Variants in HINT3 observed in about 807,000 individuals in gnomAD.
The protein encoded by HINT3 is histidine triad nucleotide binding protein 3, also known as adenosine 5'-monophosphoramidase HINT3.
Under a neutral mutation model 19.1 loss-of-function variants are expected in HINT3, and 16 were observed. The observed-to-expected ratio is 0.84, with a 90% confidence interval of 0.57 to 1.27. The LOEUF (loss-of-function observed/expected upper bound fraction) is 1.27. Ranked by LOEUF, HINT3 falls within the 50% of genes most tolerant of loss-of-function variation. The probability of loss-of-function intolerance (pLI) is 0.00; values close to 1 mark genes in which losing one functional copy is unlikely to be tolerated. For missense variants in HINT3, 197 were observed against 225.8 expected (o/e 0.87, Z 0.82); for synonymous variants, 75 against 84.8 (o/e 0.88, Z 0.63).
intron 3 of HINT3, among the ~76,000 whole-genome samples, chr6:125,973,819 G>C (rs1206884755): frequency 6.6e-6 from 1 of 152,172 alleles, no homozygotes; most frequent in Non-Finnish European, 1.5e-5. Flanking sequence ...CCAGCTCCAC[G>C]ACTGTCTAAC....
chr6:125,974,845 A>T lies in HINT3; in HGVS notation c.390-2A>T. 6.2e-7 allele frequency: 1 copy of T among 1,605,534 alleles called. No homozygotes were observed. Among genetic ancestry groups the T allele is most frequent in the Non-Finnish European group, 8.5e-7 (1 of 1,173,286 alleles). On this transcript the variant is annotated splice_acceptor_variant, in intron 3 of 4. Transcript: ENST00000229633. LOFTEE classifies it high-confidence loss of function. Reference sequence around the variant, plus strand: ...CAATCATCTCTTTACTTTCTATTTTAGGATGGGTTTTCATATGCCACCATT... The same window carrying T: ...CAATCATCTCTTTACTTTCTATTTTTGGATGGGTTTTCATATGCCACCATT...
At position 125,956,773 on chromosome 6, in the gene HINT3, T is replaced by C. The variant is rs1788837927; in HGVS notation, c.-205T>C. 2 of 613,622 alleles carry C rather than the reference T, an allele frequency of 3.3e-6. No homozygotes were observed. The highest frequency in any genetic ancestry group is 5.7e-6 in the Non-Finnish European group (2 of 351,694). The allele number at this position is 613,622 out of a possible 1,614,324, so 38.0% of individuals were successfully genotyped here. A position where few individuals can be genotyped will look rare whatever the true frequency, so the allele number is the denominator to read the frequency against. On this transcript the variant is annotated 5_prime_UTR_variant, in exon 1 of 5. Coordinates refer to ENST00000229633, the MANE Select transcript of HINT3 (RefSeq NM_138571.5). ...CTCGGCAGCGCCATTGCGCGCCCTC[T>C]AGTGGCAGCCGGTTTTGAGGCCGGC... is the stretch of plus-strand genomic sequence containing the variant.
rs1788844856 is a variant in HINT3, at chr6:125,957,048, C to T, written c.71C>T (p.Thr24Ile). 3 of 1,550,824 alleles carry T rather than the reference C, an allele frequency of 1.9e-6. No individual in the cohort carries two copies. The highest frequency in any genetic ancestry group is 2.6e-6 in the Non-Finnish European group (3 of 1,146,862). The stretch of plus-strand genomic sequence containing the variant: ...TGTGAGGCCTCGGCGACTGCAGAAA[C>T]TACGGTTTCCTCAGTGGGGACCTGT... The part of the protein sequence containing the change: ...PDCEASATAE[T>I]TVSSVGTCEA... Residue 24 changes from threonine to isoleucine, a missense_variant, in exon 1 of 5, where the codon ACT becomes ATT. Transcript: ENST00000229633.
At chr6:125,972,135 C>T (rs1287330483) in intron 2 of HINT3, 124 bp from the exon 3 acceptor site, 4 of 637,422 alleles carry the variant, frequency 6.3e-6, no homozygotes, top group Non-Finnish European at 1.1e-5. Context: ...GGGTGAGCCA[C>T]TGTGCCTGGC....
At chr6:125,974,186 C>A (rs1412792759) in intron 3 of HINT3, among the ~76,000 whole-genome samples, 1 of 152,042 alleles carries the variant, frequency 6.6e-6, no homozygotes, top group Non-Finnish European at 1.5e-5. Flanking sequence ...GGTGGACTTG[C>A]AAAAATTTTT....
chr6:125,962,169 TATATATATATATATATACAC>T (rs1348377634), intron 1 of HINT3, among the ~76,000 whole-genome samples: 8 of 10,378 alleles, frequency 7.7e-4, no homozygotes, highest in African/African-American at 1.9e-3. Context: ...TACACATATA[TATATATATATATATATACAC>T]ATATATATAT....
intron 1 of HINT3, among the ~76,000 whole-genome samples, chr6:125,965,161 G>A (rs532758907): frequency 2.0e-5 from 3 of 152,222 alleles, no homozygotes; most frequent in African/African-American, 7.2e-5. Flanking sequence ...CATTCTTATC[G>A]CTAAGTTATG....
chr6:125,970,628 AAAT>A (rs1379413561), intron 2 of HINT3, among the ~76,000 whole-genome samples: 6 of 152,168 alleles, frequency 3.9e-5, no homozygotes, highest in Non-Finnish European at 5.9e-5. Context: ...AAAGTTGAGG[AAAT>A]AATAAGCATA....
intron 1 of HINT3, 145 bp from the exon 2 acceptor site, chr6:125,966,742 G>C: frequency 1.9e-6 from 1 of 518,990 alleles, no homozygotes; most frequent in Non-Finnish European, 3.4e-6. Flanking sequence ...AACTTAATGC[G>C]TAATTATAAA....
rs533098386 is a variant in HINT3 at position 125,968,447 on chromosome 6, TG to T, written c.319+1444del. On this transcript the variant is annotated intron_variant, in intron 2 of 4. Transcript: ENST00000229633. ...ACCTAGGTTGATTCCATGCCTTTGC[TG>T]TTGTGAATAGTGCTGTGACTCACAT... 1.4e-3 allele frequency among the ~76,000 whole-genome samples: 211 copies of T among 152,374 alleles called. 1 individual carries two copies. The highest frequency in any genetic ancestry group is 4.6e-3 in the African/African-American group (192 of 41,596).
chr6:125,962,323 A>T (rs1788957491), intron 1 of HINT3, among the ~76,000 whole-genome samples: 1 of 134,716 alleles, frequency 7.4e-6, no homozygotes, highest in Non-Finnish European at 1.5e-5. Context: ...ATATATATAT[A>T]TATATATCAC....
intron 1 of HINT3, among the ~76,000 whole-genome samples, chr6:125,961,267 C>T (rs1329535952): frequency 6.6e-6 from 1 of 152,174 alleles, no homozygotes; most frequent in Non-Finnish European, 1.5e-5. Flanking sequence ...CATTCAACAA[C>T]AGCAATCAAC....
intron 1 of HINT3, among the ~76,000 whole-genome samples, chr6:125,959,330 G>A (rs1278984196): frequency 6.6e-6 from 1 of 152,208 alleles, no homozygotes; most frequent in Non-Finnish European, 1.5e-5. Context: ...AGAGGACCTG[G>A]AAAGGGAATA....
chr6:125,975,062 C>T, intron 4 of HINT3, 89 bp downstream of exon 4: 1 of 1,236,294 alleles, frequency 8.1e-7, no homozygotes, highest in Non-Finnish European at 1.2e-6. Flanking sequence ...TAGGCACTTA[C>T]AGCTCTCATA....
intron 4 of HINT3, among the ~76,000 whole-genome samples, chr6:125,975,581 G>GTTTTT (rs149094456): frequency 9.2e-4 from 132 of 143,618 alleles, no homozygotes; most frequent in Middle Eastern, 3.7e-3. Flanking sequence ...TGGCTGAAGA[G>GTTTTT]TTGTTTTTTT....
rs533220488 is a variant in HINT3, at chr6:125,956,957, A to C, written c.-21A>C. 1.3e-6 allele frequency: 2 copies of C among 1,548,244 alleles called. No individual in the cohort carries two copies. Among genetic ancestry groups the C allele is most frequent in the Admixed American group, 3.9e-5 (2 of 50,932 alleles). ...GTAGCCCTGGAGAGGCCGAGGCTCT[A>C]GGCCGCGAGGGGCGGGTGCAATGGC... On this transcript the variant is annotated 5_prime_UTR_variant, in exon 1 of 5. Coordinates refer to ENST00000229633, the MANE Select transcript of HINT3 (RefSeq NM_138571.5).
chr6:125,960,731 G>A (rs943998873), intron 1 of HINT3, among the ~76,000 whole-genome samples: 1 of 150,118 alleles, frequency 6.7e-6, no homozygotes, highest in Non-Finnish European at 1.5e-5. Context: ...TGCTGAATAG[G>A]AGAAGGAAGT....
chr6:125,957,070 C>A lies in HINT3; in HGVS notation c.93C>A (p.Thr31=). ...AAACTACGGTTTCCTCAGTGGGGAC[C>A]TGTGAAGCCGCTGGCAAGTCACCAG... ...TAETTVSSVG[T]CEAAGKSPEP... The change falls in exon 1 of 5, where the codon ACC becomes ACA. Residue 31 remains threonine, a synonymous_variant. Transcript: ENST00000229633. 6.4e-7 allele frequency: 1 copy of A among 1,550,876 alleles called. No individual in the cohort carries two copies. Among genetic ancestry groups the A allele is most frequent in the Non-Finnish European group, 8.7e-7 (1 of 1,146,850 alleles).
intron 1 of HINT3, among the ~76,000 whole-genome samples, chr6:125,963,584 C>G (rs1189243835): frequency 6.6e-6 from 1 of 152,162 alleles, no homozygotes; most frequent in Non-Finnish European, 1.5e-5. Context: ...GCTAGCTCTT[C>G]CTCTAATCCA....
Sources: allele counts gnomAD v4.1 joint callset (sites outside exome capture counted in the v4.1 genomes callset), GRCh38; gene constraint gnomAD v4.1.1; transcripts MANE v1.5; gene names NCBI Gene and HGNC (gene_info 2026-07-23, HGNC 2026-07-21).